Variants in NUP160 observed in about 807,000 individuals in gnomAD.
NUP160 encodes the protein nucleoporin 160.
Under a neutral mutation model 196.9 loss-of-function variants are expected in NUP160, and 94 were observed. The observed-to-expected ratio is 0.48, with a 90% CI of 0.40 to 0.57. The LOEUF is 0.57. NUP160 is among the 20% of genes least tolerant of loss of function. The pLI is 0.00. For missense variants in NUP160, 1,638 were observed against 1,748.3 expected (o/e 0.94, Z 1.13); for synonymous variants, 605 against 619.7 (o/e 0.98, Z 0.35).
intron 2 of NUP160, among the ~76,000 whole-genome samples, chr11:47,842,980 C>CT (rs1276496266): frequency 6.6e-6 from 1 of 151,962 alleles, no homozygotes; most frequent in African/African-American, 2.4e-5. Context: ...GAGTGAAACT[C>CT]TGACTCTAAA....
chr11:47,795,815 T>C (rs1439652405), intron 27 of NUP160, among the ~76,000 whole-genome samples: 2 of 152,026 alleles, frequency 1.3e-5, no homozygotes, highest in African/African-American at 4.8e-5. Context: ...GCAGTGTGTA[T>C]TCTAGATCCA....
chr11:47,826,985 G>A (rs759080184), intron 7 of NUP160: 66 of 454,018 alleles, frequency 1.5e-4, no homozygotes, highest in Admixed American at 2.1e-4. Context: ...CAAGGCAGTG[G>A]GACCAAACTG....
chr11:47,847,565 T>C (rs1163699789), intron 2 of NUP160, among the ~76,000 whole-genome samples: 1 of 149,998 alleles, frequency 6.7e-6, no homozygotes, highest in Non-Finnish European at 1.5e-5. Context: ...GGGTTCATGT[T>C]TAAAATTGGT....
chr11:47,843,338 T>A (rs547440487), intron 2 of NUP160, among the ~76,000 whole-genome samples: 1 of 152,300 alleles, frequency 6.6e-6, no homozygotes, highest in East Asian at 1.9e-4. Flanking sequence ...AAGGCCAATT[T>A]TCGTTTCTCA....
At chr11:47,831,842 C>CAAAAAAAAAAAAAAAAAA (rs372159602) in intron 7 of NUP160, among the ~76,000 whole-genome samples, 27 of 66,666 alleles carry the variant, frequency 4.1e-4, no homozygotes, top group African/African-American at 1.8e-3. Context: ...GACTCTCTCT[C>CAAAAAAAAAAAAAAAAAA]AAAAAAAAAA....
At chr11:47,781,124 G>A (rs1232993280) in intron 34 of NUP160, among the ~76,000 whole-genome samples, 2 of 152,002 alleles carry the variant, frequency 1.3e-5, no homozygotes, top group African/African-American at 2.4e-5. Context: ...TCGGGAGGCT[G>A]AGGCTGAAGA....
rs201750787 is a variant in NUP160 at position 47,815,521 on chromosome 11, T to C, written c.1644A>G (p.Leu548=). 175 of 1,609,050 alleles carry C rather than the reference T, an allele frequency of 1.1e-4. 2 individuals are homozygous for C. The South Asian group carries it at 1.7e-3, about 15-fold the overall frequency. ...CCATGTTTGTGTGTGGATTCAAATG[T>C]AGGGCAAGAGGGTGAGAGAGGGCTT... Residue 548 remains leucine (L), a synonymous_variant, in exon 13 of 36, where the codon CTA becomes CTG. Transcript: ENST00000378460.
chr11:47,829,648 T>A (rs1852036631), intron 7 of NUP160, among the ~76,000 whole-genome samples: 1 of 152,074 alleles, frequency 6.6e-6, no homozygotes. Flanking sequence ...AAAGACAAAC[T>A]AATTAAAAAA....
chr11:47,780,587 A>T (rs916994680), intron 34 of NUP160, 140 bp from the exon 35 acceptor site: 15 of 492,280 alleles, frequency 3.0e-5, no homozygotes, highest in Non-Finnish European at 5.4e-5. Flanking sequence ...GCCCAGGCTG[A>T]GTGCAGTGGC....
chr11:47,796,847 C>G (rs1400232943), intron 27 of NUP160, among the ~76,000 whole-genome samples: 1 of 152,178 alleles, frequency 6.6e-6, no homozygotes, highest in Non-Finnish European at 1.5e-5. Flanking sequence ...CATCCGCCAC[C>G]ATGCCCGGCT....
intron 27 of NUP160, among the ~76,000 whole-genome samples, chr11:47,793,717 T>C (rs933789952): frequency 4.6e-5 from 6 of 129,656 alleles, no homozygotes; most frequent in Non-Finnish European, 9.5e-5. Flanking sequence ...ATCTGTAAGA[T>C]ATCTGTTTTT....
intron 34 of NUP160, among the ~76,000 whole-genome samples, chr11:47,782,403 A>G (rs1231663279): frequency 6.9e-6 from 1 of 144,926 alleles, no homozygotes; most frequent in Non-Finnish European, 1.5e-5. Flanking sequence ...TTGTTTTCCA[A>G]TAAACCCACT....
At chr11:47,781,256 T>G (rs1038483455) in intron 34 of NUP160, among the ~76,000 whole-genome samples, 1 of 151,756 alleles carries the variant, frequency 6.6e-6, no homozygotes, top group Non-Finnish European at 1.5e-5. Flanking sequence ...AAAAAATAAT[T>G]TCATGTCAAC....
At chr11:47,797,703 A>AACAC in intron 27 of NUP160, 76 bp downstream of exon 27, 1 of 1,011,734 alleles carries the variant, frequency 9.9e-7, no homozygotes. Flanking sequence ...ACCTAAGTCC[A>AACAC]ACACACAATA....
chr11:47,831,069 G>C (rs959437017), intron 7 of NUP160, among the ~76,000 whole-genome samples: 1 of 151,782 alleles, frequency 6.6e-6, no homozygotes, highest in Non-Finnish European at 1.5e-5. Flanking sequence ...GGACTGAGGC[G>C]GGAGAATCGC....
intron 29 of NUP160, 82 bp downstream of exon 29, chr11:47,791,848 T>C: frequency 1.1e-6 from 1 of 931,452 alleles, no homozygotes; most frequent in South Asian, 1.4e-5. Context: ...CTTATTTAAC[T>C]ACATATTTCT....
chr11:47,782,635 G>A (rs184398521), intron 34 of NUP160, among the ~76,000 whole-genome samples: 1 of 151,610 alleles, frequency 6.6e-6, no homozygotes, highest in East Asian at 1.9e-4. Context: ...ACGGTTGTAT[G>A]AGTATTTTAT....
intron 7 of NUP160, among the ~76,000 whole-genome samples, chr11:47,833,746 A>G (rs890165649): frequency 2.6e-5 from 4 of 151,598 alleles, no homozygotes; most frequent in African/African-American, 9.7e-5. Flanking sequence ...GGCAGATCAC[A>G]AGGTCAGGAG....
intron 3 of NUP160, 55 bp downstream of exon 3, chr11:47,840,323 T>C (rs1852270558): frequency 2.1e-6 from 3 of 1,456,340 alleles, no homozygotes; most frequent in Non-Finnish European, 2.9e-6. Flanking sequence ...AGCACTACAT[T>C]TGTGACACCC....
Sources: gnomAD v4.1 joint callset for allele counts (sites outside exome capture counted in the v4.1 genomes callset) on GRCh38, gnomAD v4.1.1 for gene constraint, MANE v1.5 for transcripts, NCBI Gene and HGNC (gene_info 2026-07-23, HGNC 2026-07-21) for gene names.